The following ARHGAP18 variants were observed in gnomAD, a reference collection of about 807,000 sequenced individuals.
The protein encoded by ARHGAP18 is rho GTPase-activating protein 18.
A neutral mutation model predicts 86.2 loss-of-function variants in ARHGAP18; 67 were observed. The ratio of observed to expected loss-of-function variants is 0.78; its 90% CI spans 0.64 to 0.95. The LOEUF (loss-of-function observed/expected upper bound fraction) is 0.95, where lower values mean the gene tolerates loss of function less well. Ranked by LOEUF, ARHGAP18 falls within the 40% of genes least tolerant of loss-of-function variation. The pLI is 0.00. For synonymous variants in ARHGAP18, 283 were observed against 280.4 expected (o/e 1.01, Z -0.09); for missense variants, 691 against 780.4 (o/e 0.89, Z 1.37).
At chr6:129,649,920 T>TG (rs1554339069) in intron 1 of ARHGAP18, among the ~76,000 whole-genome samples, 2 of 150,294 alleles carry the variant, frequency 1.3e-5, no homozygotes, top group Non-Finnish European at 3.0e-5. Context: ...TTTTGTTTTT[T>TG]TTTTTTTTGG....
At chr6:129,629,243 CTCTCTA>C in intron 5 of ARHGAP18, 104 bp downstream of exon 5, 5 of 872,450 alleles carry the variant, frequency 5.7e-6, no homozygotes, top group Non-Finnish European at 7.9e-6. Context: ...GTCTCTCTCT[CTCTCTA>C]TATATATATA....
intron 12 of ARHGAP18, among the ~76,000 whole-genome samples, chr6:129,588,986 G>A (rs1377216761): frequency 6.6e-6 from 1 of 152,202 alleles, no homozygotes; most frequent in Non-Finnish European, 1.5e-5. Context: ...GGGATTCAGG[G>A]CACCATGTCC....
At chr6:129,661,309 T>TAA (rs11370799) in intron 1 of ARHGAP18, among the ~76,000 whole-genome samples, 7,382 of 111,032 alleles carry the variant, frequency 0.066, 413 homozygotes, top group Middle Eastern at 0.13. Context: ...GCAAGAATCT[T>TAA]AAAAAAAAAA....
chr6:129,693,662 A>G (rs1774564427), intron 1 of ARHGAP18, among the ~76,000 whole-genome samples: 1 of 152,182 alleles, frequency 6.6e-6, no homozygotes. Flanking sequence ...AGAGAAAAAC[A>G]ATAACTGCAC....
chr6:129,601,747 C>A (rs554585130), intron 10 of ARHGAP18, among the ~76,000 whole-genome samples: 1 of 151,610 alleles, frequency 6.6e-6, no homozygotes, highest in Non-Finnish European at 1.5e-5. Context: ...CTGCCTCAGT[C>A]TCCAGAGTAG....
At chr6:129,606,865 C>T (rs936748815) in intron 9 of ARHGAP18, among the ~76,000 whole-genome samples, 3 of 144,508 alleles carry the variant, frequency 2.1e-5, no homozygotes, top group African/African-American at 7.6e-5. Flanking sequence ...GCAATTTATT[C>T]TTTTTTTTTT....
intron 4 of ARHGAP18, among the ~76,000 whole-genome samples, chr6:129,631,099 T>C (rs1773193938): frequency 6.6e-6 from 1 of 152,174 alleles, no homozygotes; most frequent in South Asian, 2.1e-4. Flanking sequence ...TTCCCTCTGG[T>C]TTATTCTCTT....
In ARHGAP18 at chr6:129,599,362, G is replaced by A. The variant is rs1287976484; in HGVS notation, c.1573-6C>T. On this transcript the variant is annotated splice_region_variant and splice_polypyrimidine_tract_variant and intron_variant, in intron 11 of 14. Coordinates refer to ENST00000368149, the MANE Select transcript of ARHGAP18 (RefSeq NM_033515.3). Reference sequence around the variant, plus strand: ...TTTACAATAAACTTGGGAATCTATAGAGAAAAGGAATTAAGCTTAGAGAGG... The same window carrying A: ...TTTACAATAAACTTGGGAATCTATAAAGAAAAGGAATTAAGCTTAGAGAGG... The A allele has an allele frequency of 6.6e-7, 1 of 1,520,602 alleles. No individual in the cohort carries two copies. The highest frequency in any genetic ancestry group is 1.3e-5 in the South Asian group (1 of 74,402). The allele number at this position is 1,520,602 out of a possible 1,614,324, so 94.2% of individuals were successfully genotyped here.
chr6:129,660,746 G>A (rs1159464809), intron 1 of ARHGAP18, among the ~76,000 whole-genome samples: 3 of 152,126 alleles, frequency 2.0e-5, no homozygotes, highest in Admixed American at 6.5e-5. Context: ...TAGACATCTG[G>A]AAGTCTAGGT....
At position 129,610,954 on chromosome 6, in the gene ARHGAP18, T is replaced by A. The variant is rs1040069524; in HGVS notation, c.1122+579A>T. Among the ~76,000 whole-genome samples the A allele has an allele frequency of 5.9e-5, 9 of 152,134 alleles. No individual in the cohort carries two copies. In the South Asian group the frequency reaches 1.2e-3, roughly 21 times the overall value. ...CTCTGTCACCCAGGCTGGAGTGCAG[T>A]GGGACAATGACAGCTCACTGCCACA... is the stretch of plus-strand genomic sequence containing the variant. On this transcript the variant is annotated intron_variant, in intron 8 of 14. Coordinates refer to ENST00000368149, the MANE Select transcript of ARHGAP18 (RefSeq NM_033515.3).
intron 1 of ARHGAP18, among the ~76,000 whole-genome samples, chr6:129,668,055 G>C (rs1006326201): frequency 6.6e-6 from 1 of 152,178 alleles, no homozygotes; most frequent in African/African-American, 2.4e-5. Context: ...GGATATGCAA[G>C]TAAATCTGCA....
chr6:129,669,467 C>T (rs894016508), intron 1 of ARHGAP18, among the ~76,000 whole-genome samples: 6 of 150,574 alleles, frequency 4.0e-5, no homozygotes, highest in Admixed American at 6.6e-5. Flanking sequence ...CCACCGCGCC[C>T]GGCCCTAACA....
intron 5 of ARHGAP18, among the ~76,000 whole-genome samples, chr6:129,621,374 G>T (rs1488590248): frequency 6.6e-6 from 1 of 151,986 alleles, no homozygotes; most frequent in Non-Finnish European, 1.5e-5. Context: ...TTCGTAATGT[G>T]TTTTTTTTCC....
rs1465914159 is a variant in ARHGAP18 at position 129,641,902 on chromosome 6, T to G, written c.230A>C (p.Asp77Ala). 14 of 1,613,976 alleles carry G rather than the reference T, an allele frequency of 8.7e-6. No individual in the cohort carries two copies. Among genetic ancestry groups the G allele is most frequent in the Non-Finnish European group, 1.2e-5 (14 of 1,179,870 alleles). Reference protein sequence around the residue: ...QDSLDELSMEDYWIELENIKK... With the variant: ...QDSLDELSMEAYWIELENIKK... ...GATGTTTTCTAGTTCTATCCAATAG[T>G]CTTCCATAGATAGTTCATCCAAAGA... The change falls in exon 2 of 15, where the codon GAC (aspartate) becomes GCC (alanine). Residue 77 changes from aspartate (D) to alanine (A), a missense_variant. By Grantham distance (126) the Asp-to-Ala change is moderately radical (BLOSUM62 -2). Coordinates refer to ENST00000368149, the MANE Select transcript of ARHGAP18 (RefSeq NM_033515.3).
chr6:129,672,133 C>T (rs1462407981), intron 1 of ARHGAP18, among the ~76,000 whole-genome samples: 1 of 152,124 alleles, frequency 6.6e-6, no homozygotes, highest in East Asian at 1.9e-4. Context: ...TTCTTCTACT[C>T]CTGGCTCAGA....
chr6:129,643,000 A>G (rs998355482), intron 1 of ARHGAP18, among the ~76,000 whole-genome samples: 1 of 152,180 alleles, frequency 6.6e-6, no homozygotes, highest in Non-Finnish European at 1.5e-5. Flanking sequence ...AATAAATTGA[A>G]TAAATAAGAG....
chr6:129,654,307 G>A (rs1185138353), intron 1 of ARHGAP18, among the ~76,000 whole-genome samples: 1 of 152,144 alleles, frequency 6.6e-6, no homozygotes, highest in African/African-American at 2.4e-5. Flanking sequence ...CACAATATGG[G>A]CATACTGAGC....
intron 4 of ARHGAP18, among the ~76,000 whole-genome samples, chr6:129,632,360 T>A (rs1773235696): frequency 6.6e-6 from 1 of 152,214 alleles, no homozygotes; most frequent in African/African-American, 2.4e-5. Context: ...ACTTGCCTGC[T>A]GCAAGCCAGG....
chr6:129,578,699 C>T, intron 14 of ARHGAP18, 95 bp from the exon 15 acceptor site: 1 of 990,664 alleles, frequency 1.0e-6, no homozygotes, highest in Admixed American at 2.2e-5. Context: ...AAGTCTTGGA[C>T]TTCAAAATAC....
Sources: gnomAD v4.1 joint callset for allele counts (sites outside exome capture counted in the v4.1 genomes callset) on GRCh38, gnomAD v4.1.1 for gene constraint, MANE v1.5 for transcripts, NCBI Gene and HGNC (gene_info 2026-07-23, HGNC 2026-07-21) for gene names.